MTUS2: variants seen among roughly 807,000 people sequenced by gnomAD.
MTUS2 encodes the protein microtubule-associated tumor suppressor candidate 2.
MTUS2 carries 40 observed loss-of-function variants against 114.1 expected under a neutral mutation model. That is an observed-to-expected ratio of 0.35 (90% CI 0.27 to 0.46). MTUS2 has a LOEUF of 0.46. Among genes scored for constraint, MTUS2 ranks in the 20% least tolerant of loss-of-function variants. The probability of loss-of-function intolerance (pLI) is 1.00; values close to 1 mark genes in which losing one functional copy is unlikely to be tolerated. For synonymous variants in MTUS2, 688 were observed against 672.0 expected, an observed-to-expected ratio of 1.02 and a Z score of -0.37; for missense variants, 1,679 against 1,705.4, an observed-to-expected ratio of 0.98 and a Z score of 0.27.
At chr13:29,105,674 C>A (rs981724213) in intron 5 of MTUS2, among the ~76,000 whole-genome samples, 1 of 141,508 alleles carries the variant, frequency 7.1e-6, no homozygotes. Context: ...TCCTGGTGCA[C>A]AGAAGTATTC....
intron 2 of MTUS2, among the ~76,000 whole-genome samples, chr13:28,943,313 T>C (rs1882346374): frequency 6.6e-6 from 1 of 152,212 alleles, no homozygotes; most frequent in African/African-American, 2.4e-5. Context: ...CTCGTGTATC[T>C]GGCATTGGGC....
chr13:28,822,109 T>G (rs1259019989), intron 1 of MTUS2, among the ~76,000 whole-genome samples: 1 of 152,222 alleles, frequency 6.6e-6, no homozygotes, highest in East Asian at 1.9e-4. Flanking sequence ...TACTATAAAC[T>G]AGTAAATTAA....
rs764188562 is a variant in MTUS2, at chr13:29,100,982, G to A, written c.2644+12G>A. 4 of 1,537,280 alleles carry A rather than the reference G, an allele frequency of 2.6e-6. No homozygotes were observed. The highest frequency in any genetic ancestry group is 8.8e-7 in the Non-Finnish European group (1 of 1,138,592). On this transcript the variant is annotated intron_variant, in intron 5 of 15. Transcript: ENST00000612955. ...CCGGCCAGCCACCCGTAAGTGGGGT[G>A]GGGCAGGGTGGGGTGCCTTCACTGA...
chr13:29,237,165 A>G (rs1006766841), intron 5 of MTUS2, among the ~76,000 whole-genome samples: 1 of 152,172 alleles, frequency 6.6e-6, no homozygotes, highest in Non-Finnish European at 1.5e-5. Context: ...ACTGGAGGTG[A>G]TTTAAAAGGG....
chr13:29,046,444 C>G (rs1319152756), intron 4 of MTUS2, among the ~76,000 whole-genome samples: 1 of 152,166 alleles, frequency 6.6e-6, no homozygotes, highest in African/African-American at 2.4e-5. Flanking sequence ...CAGTTATGTT[C>G]TGTTCCTTAT....
intron 8 of MTUS2, among the ~76,000 whole-genome samples, chr13:29,417,083 G>A (rs1282445495): frequency 1.3e-5 from 2 of 152,230 alleles, no homozygotes; most frequent in East Asian, 3.8e-4. Context: ...TCTGCAGGTT[G>A]TGCAAGCATG....
intron 2 of MTUS2, among the ~76,000 whole-genome samples, chr13:28,977,817 A>C (rs1443653207): frequency 6.6e-6 from 1 of 152,232 alleles, no homozygotes; most frequent in African/African-American, 2.4e-5. Context: ...TAGGAAATTC[A>C]AGTCTTAACT....
intron 8 of MTUS2, among the ~76,000 whole-genome samples, chr13:29,387,383 G>A (rs1449346213): frequency 6.6e-6 from 1 of 152,192 alleles, no homozygotes; most frequent in Non-Finnish European, 1.5e-5. Flanking sequence ...AAGAGCCTAA[G>A]CAGGAAGGAT....
At chr13:29,259,338 AC>A (rs1897386658) in intron 5 of MTUS2, among the ~76,000 whole-genome samples, 1 of 152,148 alleles carries the variant, frequency 6.6e-6, no homozygotes, top group African/African-American at 2.4e-5. Context: ...GAAGAAAGCA[AC>A]TGAAGAGAGA....
chr13:29,070,219 CT>C (rs1432549083), intron 4 of MTUS2, among the ~76,000 whole-genome samples: 28 of 152,240 alleles, frequency 1.8e-4, no homozygotes, highest in Middle Eastern at 6.8e-3. Context: ...CTTTGTTTAC[CT>C]TCTCAAATGT....
At chr13:28,973,929 T>C (rs944525860) in intron 2 of MTUS2, among the ~76,000 whole-genome samples, 1 of 152,170 alleles carries the variant, frequency 6.6e-6, no homozygotes, top group Admixed American at 6.5e-5. Flanking sequence ...GGGCAGAGGG[T>C]GAAAATGTAG....
At chr13:29,116,176 T>C (rs752621578) in intron 5 of MTUS2, among the ~76,000 whole-genome samples, 1 of 152,212 alleles carries the variant, frequency 6.6e-6, no homozygotes, top group African/African-American at 2.4e-5. Flanking sequence ...AATTCAGATA[T>C]CTGTCAAGCA....
In MTUS2 at chr13:29,487,926, T is replaced by G; in HGVS notation, c.3426T>G (p.Asp1142Glu). ...EQVEDLTASH[D>E]AALLEMENNH... Reference sequence around the variant, plus strand: ...TGGAAGATCTCACCGCCAGCCATGATGCTGCTCTCCTAGAGATGGAAAATA... The same window carrying G: ...TGGAAGATCTCACCGCCAGCCATGAGGCTGCTCTCCTAGAGATGGAAAATA... Residue 1142 changes from aspartate (D) to glutamate (E), a missense_variant, in exon 11 of 16, where the codon GAT becomes GAG. Physicochemically the swap from Asp to Glu is conservative, Grantham distance 45. Around this residue, in one of 3 missense-constraint regions of MTUS2, gnomAD observed 822 missense variants for 899.7 expected, o/e 0.91. Coordinates refer to ENST00000612955, the MANE Select transcript of MTUS2 (RefSeq NM_001033602.4). 1.9e-6 allele frequency: 3 copies of G among 1,614,144 alleles called. No homozygotes were observed. Among genetic ancestry groups the G allele is most frequent in the Non-Finnish European group, 2.5e-6 (3 of 1,180,006 alleles).
intron 2 of MTUS2, among the ~76,000 whole-genome samples, chr13:29,012,175 C>T (rs765294566): frequency 1.3e-5 from 2 of 152,166 alleles, no homozygotes; most frequent in Non-Finnish European, 2.9e-5. Flanking sequence ...GAGTCAAGGA[C>T]GTGCAGCTCA....
At position 29,408,287 on chromosome 13, in the gene MTUS2, T is replaced by A. The variant is rs562966709; in HGVS notation, c.3118-31696T>A. 1.1e-4 allele frequency among the ~76,000 whole-genome samples: 17 copies of A among 152,248 alleles called. No homozygotes were observed. The East Asian group carries it at 1.7e-3, about 16-fold the overall frequency. ...TAATGATATTTTGTTATAATCTTTT[T>A]AAATGTTTTAACATGTTTAATTTCA... On this transcript the variant is annotated intron_variant, in intron 8 of 15. Coordinates refer to ENST00000612955, the MANE Select transcript of MTUS2 (RefSeq NM_001033602.4).
chr13:29,155,297 C>T, intron 5 of MTUS2, among the ~76,000 whole-genome samples: 1 of 152,210 alleles, frequency 6.6e-6, no homozygotes, highest in East Asian at 1.9e-4. Context: ...TGGGAGATTT[C>T]AGAGGATCAG....
chr13:29,115,520 G>T (rs980577121), intron 5 of MTUS2, among the ~76,000 whole-genome samples: 7 of 152,052 alleles, frequency 4.6e-5, no homozygotes, highest in Admixed American at 4.6e-4. Flanking sequence ...AGGCATTGTT[G>T]TTTCTTATTT....
chr13:29,162,524 A>G (rs1893143261), intron 5 of MTUS2, among the ~76,000 whole-genome samples: 1 of 152,202 alleles, frequency 6.6e-6, no homozygotes, highest in Non-Finnish European at 1.5e-5. Flanking sequence ...TAAGGGTAGT[A>G]CATGTGGACA....
chr13:28,943,460 C>T (rs1415258745), intron 2 of MTUS2, among the ~76,000 whole-genome samples: 1 of 152,204 alleles, frequency 6.6e-6, no homozygotes. Flanking sequence ...ACACTAGCTG[C>T]ATTTCAAGTG....
Sources: allele counts gnomAD v4.1 joint callset (sites outside exome capture counted in the v4.1 genomes callset), GRCh38; gene constraint gnomAD v4.1.1; regional missense constraint gnomAD v4.1.1; transcripts MANE v1.5; gene names NCBI Gene and HGNC (gene_info 2026-07-23, HGNC 2026-07-21).